The following PHF21A variants were observed in gnomAD, a reference collection of about 807,000 sequenced individuals.
PHF21A encodes the protein BHC80a.
Under a neutral mutation model 82.5 loss-of-function variants are expected in PHF21A, and 11 were observed. The ratio of observed to expected loss-of-function variants is 0.13; its 90% CI spans 0.08 to 0.22. The LOEUF (loss-of-function observed/expected upper bound fraction) is 0.22. Among genes scored for constraint, PHF21A ranks in the 10% least tolerant of loss-of-function variants. The pLI is 1.00. For missense variants in PHF21A, 579 were observed against 837.8 expected, an observed-to-expected ratio of 0.69 and a Z score of 3.81; for synonymous variants, 297 against 302.8, an observed-to-expected ratio of 0.98 and a Z score of 0.20.
intron 6 of PHF21A, among the ~76,000 whole-genome samples, chr11:46,067,598 CA>C (rs11448208): frequency 8.1e-4 from 117 of 145,294 alleles, no homozygotes; most frequent in Non-Finnish European, 1.2e-3. Flanking sequence ...CCACCCCCCA[CA>C]AAAAAAAAAA....
At chr11:45,945,314 C>T (rs140182277) in intron 15 of PHF21A, among the ~76,000 whole-genome samples, 3 of 152,290 alleles carry the variant, frequency 2.0e-5, no homozygotes, top group Middle Eastern at 3.4e-3. Flanking sequence ...GGGTGAAGGG[C>T]TACTAAGTAT....
At chr11:46,078,721 A>T (rs1040828458) in intron 5 of PHF21A, among the ~76,000 whole-genome samples, 1 of 152,206 alleles carries the variant, frequency 6.6e-6, no homozygotes, top group East Asian at 1.9e-4. Context: ...ATTCAGTACT[A>T]TTCAAATGTT....
At chr11:45,935,421 T>TA in intron 18 of PHF21A, 1 of 703,810 alleles carries the variant, frequency 1.4e-6, no homozygotes, top group East Asian at 2.8e-5. Flanking sequence ...AAGAGGATGT[T>TA]ACAGAGCTTG....
chr11:45,970,007 T>C (rs965705602), intron 8 of PHF21A, 103 bp from the exon 9 acceptor site: 16 of 817,118 alleles, frequency 2.0e-5, no homozygotes, highest in African/African-American at 5.2e-5. Flanking sequence ...CAATATTTTC[T>C]ACAAGCTTTC....
intron 7 of PHF21A, among the ~76,000 whole-genome samples, chr11:45,976,567 C>A (rs923260215): frequency 6.6e-6 from 1 of 152,170 alleles, no homozygotes; most frequent in Non-Finnish European, 1.5e-5. Flanking sequence ...TAGTGCCAAG[C>A]GCAGTGGCTC....
intron 9 of PHF21A, among the ~76,000 whole-genome samples, chr11:45,967,367 T>TAA (rs66525187): frequency 4.1e-5 from 6 of 145,158 alleles, no homozygotes; most frequent in Non-Finnish European, 6.0e-5. Flanking sequence ...GACCCTGTCT[T>TAA]AAAAAAAAAA....
At chr11:45,937,830 C>G (rs1340327176) in intron 16 of PHF21A, among the ~76,000 whole-genome samples, 1 of 152,144 alleles carries the variant, frequency 6.6e-6, no homozygotes, top group African/African-American at 2.4e-5. Flanking sequence ...TAATTTCATT[C>G]CCAAAGAAGA....
chr11:45,984,621 C>G (rs375770563), intron 6 of PHF21A, among the ~76,000 whole-genome samples: 8 of 152,290 alleles, frequency 5.3e-5, no homozygotes, highest in African/African-American at 1.9e-4. Flanking sequence ...CGTTCCATGG[C>G]TTTTGTCAAC....
intron 6 of PHF21A, among the ~76,000 whole-genome samples, chr11:46,048,263 C>T (rs1197290322): frequency 6.6e-6 from 1 of 152,090 alleles, no homozygotes; most frequent in African/African-American, 2.4e-5. Flanking sequence ...CAGTATAAGG[C>T]CTTTTGTCAT....
intron 6 of PHF21A, among the ~76,000 whole-genome samples, chr11:46,054,201 AT>A (rs2096414764): frequency 6.6e-6 from 1 of 152,202 alleles, no homozygotes; most frequent in South Asian, 2.1e-4. Context: ...CAACCAACTC[AT>A]TTAAAAAAAT....
chr11:46,000,924 A>AAAATAAAT (rs534848999), intron 6 of PHF21A, among the ~76,000 whole-genome samples: 105 of 151,782 alleles, frequency 6.9e-4, no homozygotes, highest in African/African-American at 2.4e-3. Flanking sequence ...CCGTCTCAAA[A>AAAATAAAT]AAATAAATAA....
In PHF21A at chr11:45,935,226, T is replaced by C. The variant is rs1401579594; in HGVS notation, c.1788+410A>G. 3 of 1,294,770 alleles carry C rather than the reference T, an allele frequency of 2.3e-6. No homozygotes were observed. The African/African-American group carries it at 4.5e-5, about 20-fold the overall frequency. 80.2% of individuals were successfully genotyped at this position (1,294,770 alleles called of 1,614,324 possible). On this transcript the variant is annotated intron_variant, in intron 18 of 18. Transcript: ENST00000676320. ...AAAGAGCGAGGGAGGGCCGTACGGA[T>C]GGGCCCACTCGCTCAGGTGACTAGG...
intron 4 of PHF21A, among the ~76,000 whole-genome samples, chr11:46,079,677 A>G (rs1477227421): frequency 6.6e-6 from 1 of 152,140 alleles, no homozygotes; most frequent in Admixed American, 6.5e-5. Flanking sequence ...GCAGGGGAGG[A>G]TAAGTTCAGT....
At chr11:46,027,044 A>C (rs1454139986) in intron 6 of PHF21A, 2 of 152,206 alleles carry the variant, frequency 1.3e-5, no homozygotes, top group Admixed American at 1.3e-4. Flanking sequence ...ACACACGCAC[A>C]CATGCACGCA....
intron 1 of PHF21A, chr11:46,118,076 CAGA>C (rs1019158953): frequency 9.2e-5 from 14 of 152,058 alleles, no homozygotes; most frequent in East Asian, 3.9e-4. Context: ...TTCATGTAAG[CAGA>C]AGAAGAGTAT....
chr11:46,029,352 A>G (rs926392932), intron 6 of PHF21A, among the ~76,000 whole-genome samples: 8 of 152,196 alleles, frequency 5.3e-5, no homozygotes, highest in African/African-American at 1.9e-4. Context: ...CTGAAAACAG[A>G]CTTGTTTTTA....
intron 11 of PHF21A, among the ~76,000 whole-genome samples, chr11:45,950,959 A>G (rs2092026887): frequency 6.6e-6 from 1 of 152,226 alleles, no homozygotes; most frequent in Non-Finnish European, 1.5e-5. Flanking sequence ...TTTTTCAATC[A>G]CACATGAACC....
chr11:45,946,185 A>C, intron 14 of PHF21A, 182 bp from the exon 15 acceptor site: 10 of 1,335,032 alleles, frequency 7.5e-6, no homozygotes, highest in Middle Eastern at 1.8e-4. Context: ...TTTAAATGTC[A>C]TTAGAAACAA....
intron 6 of PHF21A, among the ~76,000 whole-genome samples, chr11:46,001,422 A>C (rs1031556600): frequency 6.6e-6 from 1 of 151,774 alleles, no homozygotes; most frequent in African/African-American, 2.4e-5. Context: ...GTAGATTCTA[A>C]TGAGATAAGC....
Sources: allele counts gnomAD v4.1 joint callset (sites outside exome capture counted in the v4.1 genomes callset), GRCh38; gene constraint gnomAD v4.1.1; transcripts MANE v1.5; gene names NCBI Gene and HGNC (gene_info 2026-07-23, HGNC 2026-07-21).